Variants in CDH1 observed in about 807,000 individuals in gnomAD.
CDH1 encodes the protein cadherin 1, also known as cadherin-1.
A neutral mutation model predicts 84.5 loss-of-function variants in CDH1; 35 were observed. The ratio of observed to expected loss-of-function variants is 0.41; its 90% CI spans 0.32 to 0.55. CDH1 has a LOEUF of 0.55. CDH1 is among the 20% of genes least tolerant of loss of function. The probability of loss-of-function intolerance (pLI) is 0.19; values close to 1 mark genes in which losing one functional copy is unlikely to be tolerated. For missense variants in CDH1, 994 were observed against 1,126.6 expected (o/e 0.88, Z 1.68); for synonymous variants, 417 against 439.0 (o/e 0.95, Z 0.63).
chr16:68,770,057 T>A (rs1416430163), intron 2 of CDH1, among the ~76,000 whole-genome samples: 6 of 151,120 alleles, frequency 4.0e-5, no homozygotes, highest in Non-Finnish European at 7.4e-5. Flanking sequence ...CAGGTCCAAG[T>A]CTATCTGGAG....
At chr16:68,809,132 C>T (rs1385454230) in intron 5 of CDH1, 3 of 471,188 alleles carry the variant, frequency 6.4e-6, no homozygotes, top group South Asian at 2.1e-5. Context: ...GGCTGGAAGT[C>T]CCTGACCTAA....
chr16:68,810,350 A>G lies in CDH1; in HGVS notation c.832+9A>G, dbSNP rs1057521268. On this transcript the variant is annotated intron_variant, in intron 6 of 15. Transcript: ENST00000261769. ...GGAAGGTGCTCTTCCAGGTATATCC[A>G]CTAATGAGAATCTGAATACTCAGAA... The G allele has an allele frequency of 1.9e-6, 3 of 1,613,044 alleles. No individual in the cohort carries two copies.
At position 68,828,319 on chromosome 16, in the gene CDH1, C is replaced by T. The variant is rs754578936; in HGVS notation, c.2295+15C>T. ...AAGAGGACCAGGTGGGTTTTGAAAA[C>T]CTTGGTAGCTCAGTGGTGATCTCTT... is the stretch of plus-strand genomic sequence containing the variant. On this transcript the variant is annotated intron_variant, in intron 14 of 15. Transcript: ENST00000261769. The T allele has an allele frequency of 2.5e-6, 4 of 1,613,586 alleles. No homozygotes were observed. In the South Asian group the frequency reaches 3.3e-5, roughly 13 times the overall value.
At chr16:68,797,963 CCG>C (rs1332844509) in intron 2 of CDH1, among the ~76,000 whole-genome samples, 1 of 152,024 alleles carries the variant, frequency 6.6e-6, no homozygotes, top group Non-Finnish European at 1.5e-5. Context: ...CCTGTAATCC[CCG>C]CTACTCGGGA....
chr16:68,756,351 A>G (rs1214477567), intron 2 of CDH1, among the ~76,000 whole-genome samples: 1 of 152,062 alleles, frequency 6.6e-6, no homozygotes, highest in Non-Finnish European at 1.5e-5. Flanking sequence ...TGAGGCAAAC[A>G]CCTGGGCACT....
chr16:68,779,701 A>G (rs565662387), intron 2 of CDH1, among the ~76,000 whole-genome samples: 15 of 152,310 alleles, frequency 9.8e-5, no homozygotes, highest in African/African-American at 3.6e-4. Context: ...TACTAAAAAT[A>G]CAAAAATTAA....
chr16:68,815,901 T>A, intron 10 of CDH1, 142 bp downstream of exon 10: 1 of 1,039,944 alleles, frequency 9.6e-7, no homozygotes. Context: ...TTATTCCCTT[T>A]ATCTGTGCTC....
At chr16:68,768,609 G>A (rs1039279565) in intron 2 of CDH1, among the ~76,000 whole-genome samples, 1 of 152,154 alleles carries the variant, frequency 6.6e-6, no homozygotes, top group Non-Finnish European at 1.5e-5. Context: ...ATAGTCCCAG[G>A]TGTTCCCTGG....
chr16:68,800,872 C>T (rs1960478795), intron 2 of CDH1, among the ~76,000 whole-genome samples: 2 of 152,188 alleles, frequency 1.3e-5, no homozygotes, highest in African/African-American at 4.8e-5. Flanking sequence ...TTACCACTGC[C>T]TGAAATTTTA....
rs35572355 is a variant in CDH1, at chr16:68,833,344, G to A, written c.2494G>A (p.Val832Met). Residue 832 changes from valine (V) to methionine (M), a missense_variant, in exon 16 of 16, where the codon GTG (valine) becomes ATG (methionine). This residue lies in a region of CDH1 where 769 missense variants were observed against 881.8 expected (regional missense o/e 0.87). Transcript: ENST00000261769. Reference protein sequence around the residue: ...PTAPPYDSLLVFDYEGSGSEA... With the variant: ...PTAPPYDSLLMFDYEGSGSEA... ...AGCCCCGCCTTATGATTCTCTGCTCGTGTTTGACTATGAAGGAAGCGGTTC... is the reference window on the plus strand; with the variant it reads ...AGCCCCGCCTTATGATTCTCTGCTCATGTTTGACTATGAAGGAAGCGGTTC... 236 of 1,614,154 alleles carry A rather than the reference G, an allele frequency of 1.5e-4. 1 individual carries two copies. The East Asian group carries it at 4.0e-3, about 27-fold the overall frequency.
intron 2 of CDH1, among the ~76,000 whole-genome samples, chr16:68,761,242 C>T (rs1413307713): frequency 1.3e-5 from 2 of 152,174 alleles, no homozygotes; most frequent in African/African-American, 4.8e-5. Flanking sequence ...GGTCCTCTGC[C>T]CTCCCGCTGC....
In CDH1 at chr16:68,777,835, G is replaced by A. The variant is rs529736735; in HGVS notation, c.164-23835G>A. ...CAACCTTTGCCTCCCAGGTTCAAGC[G>A]ATTCTCCTGCCTCAGCCTCCCAAGT... On this transcript the variant is annotated intron_variant, in intron 2 of 15. Coordinates refer to ENST00000261769, the MANE Select transcript of CDH1 (RefSeq NM_004360.5). Among the ~76,000 whole-genome samples the A allele has an allele frequency of 1.1e-4, 16 of 150,542 alleles. No homozygotes were observed. In the East Asian group the frequency reaches 2.5e-3, roughly 24 times the overall value.
intron 2 of CDH1, among the ~76,000 whole-genome samples, chr16:68,776,527 T>A (rs9923913): frequency 7.6e-4 from 115 of 152,080 alleles, no homozygotes; most frequent in African/African-American, 2.3e-3. Context: ...TCATTAAAAA[T>A]TTTTTTTAAA....
At chr16:68,778,099 G>C (rs929354776) in intron 2 of CDH1, among the ~76,000 whole-genome samples, 1 of 152,104 alleles carries the variant, frequency 6.6e-6, no homozygotes, top group African/African-American at 2.4e-5. Context: ...CCAGGCTGGA[G>C]TGCAGTGGTG....
intron 15 of CDH1, among the ~76,000 whole-genome samples, chr16:68,830,957 GTTA>G (rs1961466363): frequency 6.6e-6 from 1 of 150,910 alleles, no homozygotes; most frequent in Non-Finnish European, 1.5e-5. Context: ...GTTTCCTTAA[GTTA>G]TGTTCTCTAG....
At chr16:68,789,120 C>A (rs907290783) in intron 2 of CDH1, among the ~76,000 whole-genome samples, 13 of 152,166 alleles carry the variant, frequency 8.5e-5, no homozygotes, top group African/African-American at 2.9e-4. Flanking sequence ...ACGTCCCCAG[C>A]TCAAGTGATC....
intron 2 of CDH1, among the ~76,000 whole-genome samples, chr16:68,800,552 G>A (rs1213244187): frequency 6.6e-6 from 1 of 152,186 alleles, no homozygotes; most frequent in African/African-American, 2.4e-5. Flanking sequence ...TGTAAGATAG[G>A]ACGGCAGGAA....
intron 2 of CDH1, among the ~76,000 whole-genome samples, chr16:68,741,190 AC>A (rs1269787049): frequency 2.0e-5 from 3 of 151,850 alleles, no homozygotes. Flanking sequence ...ACAGACCCCC[AC>A]CCCCACACAA....
At chr16:68,823,362 C>T (rs377716415) in intron 12 of CDH1, 37 bp from the exon 13 acceptor site, 1 of 1,422,420 alleles carries the variant, frequency 7.0e-7, no homozygotes, top group South Asian at 1.1e-5. Flanking sequence ...TATTTTCCTC[C>T]CCTGGTCTCA....
Sources: gnomAD v4.1 joint callset for allele counts (sites outside exome capture counted in the v4.1 genomes callset) on GRCh38, gnomAD v4.1.1 for gene constraint, gnomAD v4.1.1 regional missense constraint, MANE v1.5 for transcripts, NCBI Gene and HGNC (gene_info 2026-07-23, HGNC 2026-07-21) for gene names.